UPB1: variants seen among roughly 807,000 people sequenced by gnomAD.
The protein encoded by UPB1 is beta-ureidopropionase.
A neutral mutation model predicts 49.1 loss-of-function variants in UPB1; 40 were observed. The ratio of observed to expected loss-of-function variants is 0.81; its 90% CI spans 0.63 to 1.06. The LOEUF (loss-of-function observed/expected upper bound fraction) is 1.06. Ranked by LOEUF, UPB1 falls within the 50% of genes least tolerant of loss-of-function variation. The pLI is 0.00. For missense variants in UPB1, 499 were observed against 505.9 expected, an observed-to-expected ratio of 0.99 and a Z score of 0.13; for synonymous variants, 207 against 198.2, an observed-to-expected ratio of 1.04 and a Z score of -0.38.
intron 6 of UPB1, chr22:24,520,140 C>T (rs919250590): frequency 1.8e-6 from 1 of 567,374 alleles, no homozygotes; most frequent in Non-Finnish European, 3.2e-6. Context: ...GCAGCAGGCC[C>T]TTCCCAAAGG....
chr22:24,510,756 C>G lies in UPB1; in HGVS notation c.372C>G (p.Pro124=). 6.2e-7 allele frequency: 1 copy of G among 1,614,112 alleles called. No individual in the cohort carries two copies. The highest frequency in any genetic ancestry group is 2.2e-5 in the East Asian group (1 of 44,884). ...CCTTTCTCCTATTTATAGCTATGCC[C>G]TTTGCCTTCTGTACGAGAGAGAAGC... ...IICFQEAWTM[P]FAFCTREKLP... The change falls in exon 4 of 10, where the codon CCC becomes CCG. Residue 124 remains proline (P), a synonymous_variant. Transcript: ENST00000326010.
intron 8 of UPB1, among the ~76,000 whole-genome samples, chr22:24,522,356 C>T (rs1046965461): frequency 1.3e-5 from 2 of 152,122 alleles, no homozygotes; most frequent in Admixed American, 6.5e-5. Context: ...CATAGATCTC[C>T]CTTTCCACTT....
chr22:24,517,308 C>T (rs1450055518), intron 6 of UPB1, among the ~76,000 whole-genome samples: 1 of 152,204 alleles, frequency 6.6e-6, no homozygotes, highest in Non-Finnish European at 1.5e-5. Context: ...TCATGGTGGT[C>T]AGATCACCAG....
chr22:24,525,941 G>A lies in UPB1; in HGVS notation c.*147G>A. On this transcript the variant is annotated 3_prime_UTR_variant, in exon 10 of 10. Coordinates refer to ENST00000326010, the MANE Select transcript of UPB1 (RefSeq NM_016327.3). ...CCCAGGCAGGGGGAGAGTGGCATGG[G>A]GAGTGACTTCTTAATGGGTAAGGGG... The A allele has an allele frequency of 1.0e-6, 1 of 955,530 alleles. No homozygotes were observed. The highest frequency in any genetic ancestry group is 2.0e-5 in the Admixed American group (1 of 51,120). 59.2% of individuals were successfully genotyped at this position (955,530 alleles called of 1,614,324 possible).
At chr22:24,512,423 T>G (rs1449235608) in intron 4 of UPB1, among the ~76,000 whole-genome samples, 4 of 152,248 alleles carry the variant, frequency 2.6e-5, no homozygotes, top group Non-Finnish European at 2.9e-5. Flanking sequence ...GCTGGGCTGC[T>G]CATCCTGTGG....
chr22:24,520,129 T>G, intron 6 of UPB1: 1 of 552,994 alleles, frequency 1.8e-6, no homozygotes, highest in Non-Finnish European at 3.3e-6. Flanking sequence ...GGCTTATGCC[T>G]GCAGCAGGCC....
At chr22:24,517,522 G>A (rs185584400) in intron 6 of UPB1, among the ~76,000 whole-genome samples, 259 of 152,340 alleles carry the variant, frequency 1.7e-3, no homozygotes, top group Non-Finnish European at 2.8e-3. Flanking sequence ...GGCAGACAAA[G>A]TTGTGGCTGT....
intron 3 of UPB1, among the ~76,000 whole-genome samples, chr22:24,505,255 T>A (rs2044070054): frequency 6.6e-6 from 1 of 152,246 alleles, no homozygotes; most frequent in African/African-American, 2.4e-5. Flanking sequence ...TTTTGTTTTC[T>A]CTCTTATTCC....
chr22:24,514,106 A>G (rs2147027538), intron 5 of UPB1, among the ~76,000 whole-genome samples: 1 of 152,252 alleles, frequency 6.6e-6, no homozygotes, highest in South Asian at 2.1e-4. Context: ...GAAGGAGGGA[A>G]ATGACCTCTG....
chr22:24,511,775 G>A (rs1313683374), intron 4 of UPB1, among the ~76,000 whole-genome samples: 1 of 2,012 alleles, frequency 5.0e-4, no homozygotes, highest in Admixed American at 8.8e-3. Context: ...CACCATGCCT[G>A]GCTAATTTTT....
At chr22:24,503,640 C>G (rs1009947577) in intron 3 of UPB1, 4 of 152,376 alleles carry the variant, frequency 2.6e-5, no homozygotes, top group Admixed American at 2.6e-4. Flanking sequence ...CTGGGCTGCC[C>G]ACTTTCCTGC....
intron 6 of UPB1, among the ~76,000 whole-genome samples, chr22:24,515,645 T>C (rs886134731): frequency 6.6e-6 from 1 of 151,812 alleles, no homozygotes; most frequent in Non-Finnish European, 1.5e-5. Context: ...TGAAAATAAT[T>C]CCCCCCTTTC....
In UPB1 at chr22:24,500,227, G is replaced by T. The variant is rs150740488; in HGVS notation, c.225G>T (p.Gly75=). 134 of 1,614,104 alleles carry T rather than the reference G, an allele frequency of 8.3e-5. No individual in the cohort carries two copies. Among genetic ancestry groups the T allele is most frequent in the South Asian group, 5.2e-4 (47 of 91,090 alleles). The part of the protein sequence containing the change: ...QLRRPRIVHV[G]LVQNRIPLPA... The stretch of plus-strand genomic sequence containing the variant: ...GACGACCCCGCATTGTGCACGTGGG[G>T]CTGGTTCAGAACAGAATCCCCCTCC... The change falls in exon 2 of 10, where the codon GGG becomes GGT. Residue 75 remains glycine (G), a synonymous_variant. Coordinates refer to ENST00000326010, the MANE Select transcript of UPB1 (RefSeq NM_016327.3).
At chr22:24,522,657 C>T (rs2044415047) in intron 8 of UPB1, among the ~76,000 whole-genome samples, 1 of 151,710 alleles carries the variant, frequency 6.6e-6, no homozygotes, top group Non-Finnish European at 1.5e-5. Flanking sequence ...GGAGGCCAGG[C>T]ATGGTGTCTC....
intron 8 of UPB1, among the ~76,000 whole-genome samples, chr22:24,523,086 A>G (rs1242792529): frequency 6.6e-6 from 1 of 152,110 alleles, no homozygotes; most frequent in Non-Finnish European, 1.5e-5. Context: ...ACTTACTGCA[A>G]ATAGAGATGC....
At chr22:24,499,097 T>G (rs1254731590) in intron 1 of UPB1, among the ~76,000 whole-genome samples, 1 of 152,110 alleles carries the variant, frequency 6.6e-6, no homozygotes, top group Non-Finnish European at 1.5e-5. Context: ...AAAAGCAGGC[T>G]GATTGTCAGG....
intron 1 of UPB1, among the ~76,000 whole-genome samples, chr22:24,497,667 G>A (rs2043917504): frequency 6.6e-6 from 1 of 152,218 alleles, no homozygotes; most frequent in African/African-American, 2.4e-5. Context: ...ACAGGGACCA[G>A]GGCAGGCAGT....
At chr22:24,514,037 G>A (rs903587551) in intron 5 of UPB1, among the ~76,000 whole-genome samples, 3 of 152,170 alleles carry the variant, frequency 2.0e-5, no homozygotes, top group Admixed American at 6.5e-5. Flanking sequence ...AGTTGGGGGG[G>A]CCATTTTGGT....
At chr22:24,505,607 T>A (rs1253092583) in intron 3 of UPB1, among the ~76,000 whole-genome samples, 1 of 152,242 alleles carries the variant, frequency 6.6e-6, no homozygotes, top group Non-Finnish European at 1.5e-5. Flanking sequence ...TGCTGAACCA[T>A]CTCTGGAGGA....
Sources: gnomAD v4.1 joint callset for allele counts (sites outside exome capture counted in the v4.1 genomes callset) on GRCh38, gnomAD v4.1.1 for gene constraint, MANE v1.5 for transcripts, NCBI Gene and HGNC (gene_info 2026-07-23, HGNC 2026-07-21) for gene names.